The following DNER variants were observed in gnomAD, a reference collection of about 807,000 sequenced individuals.
DNER encodes delta/notch like EGF repeat containing.
Under a neutral mutation model 78.2 loss-of-function variants are expected in DNER, and 33 were observed. The observed-to-expected ratio is 0.42, with a 90% CI of 0.32 to 0.56. The LOEUF is 0.56. DNER is among the 20% of genes least tolerant of loss of function. DNER has a pLI of 0.11. For synonymous variants in DNER, 417 were observed against 384.8 expected, an observed-to-expected ratio of 1.08 and a Z score of -0.98; for missense variants, 918 against 975.3, an observed-to-expected ratio of 0.94 and a Z score of 0.78.
chr2:229,417,909 G>A (rs1434813427), intron 9 of DNER, among the ~76,000 whole-genome samples, 199 bp downstream of exon 9: 3 of 152,198 alleles, frequency 2.0e-5, no homozygotes, highest in Non-Finnish European at 4.4e-5. Flanking sequence ...ACAGGAAAGG[G>A]GGTTGTTTCT....
chr2:229,481,557 ATC>A (rs59589141), intron 6 of DNER, among the ~76,000 whole-genome samples: 18,923 of 152,066 alleles, frequency 0.12, 1,313 homozygotes, highest in South Asian at 0.2. Context: ...ATCTACACAA[ATC>A]TCACCCTTCC....
chr2:229,671,935 G>A (rs577377692), intron 1 of DNER, among the ~76,000 whole-genome samples: 1 of 152,314 alleles, frequency 6.6e-6, no homozygotes, highest in Admixed American at 6.5e-5. Context: ...GTTATACTTT[G>A]CAGATCTCTG....
At chr2:229,365,720 G>A (rs1027048492) in intron 12 of DNER, among the ~76,000 whole-genome samples, 3 of 152,182 alleles carry the variant, frequency 2.0e-5, no homozygotes, top group Non-Finnish European at 2.9e-5. Context: ...GCAGGCGTGA[G>A]GCAGCACACC....
At chr2:229,520,181 C>T (rs907576549) in intron 5 of DNER, among the ~76,000 whole-genome samples, 6 of 152,166 alleles carry the variant, frequency 3.9e-5, no homozygotes, top group South Asian at 2.1e-4. Flanking sequence ...AGTAGTCTTG[C>T]GGGAGAGTTC....
intron 9 of DNER, among the ~76,000 whole-genome samples, chr2:229,411,048 G>A (rs1693507515): frequency 6.6e-6 from 1 of 152,144 alleles, no homozygotes; most frequent in Admixed American, 6.6e-5. Context: ...GTGTCACTCA[G>A]TCTGCTCGTC....
intron 6 of DNER, among the ~76,000 whole-genome samples, chr2:229,484,070 C>G (rs1408910916): frequency 2.6e-5 from 4 of 151,908 alleles, no homozygotes; most frequent in Admixed American, 1.3e-4. Flanking sequence ...AGAGAAACCT[C>G]TGGACCCTCC....
intron 5 of DNER, among the ~76,000 whole-genome samples, chr2:229,518,407 A>AT (rs1559155294): frequency 1.3e-5 from 2 of 152,266 alleles, no homozygotes; most frequent in African/African-American, 4.8e-5. Flanking sequence ...TCTATGTCAG[A>AT]TAACATCCTA....
intron 1 of DNER, among the ~76,000 whole-genome samples, chr2:229,708,605 C>T (rs1699863971): frequency 6.6e-6 from 1 of 152,220 alleles, no homozygotes; most frequent in Non-Finnish European, 1.5e-5. Context: ...AAATACAACC[C>T]TGGCATTCAG....
At chr2:229,615,190 T>G (rs909617819) in intron 1 of DNER, among the ~76,000 whole-genome samples, 7 of 151,424 alleles carry the variant, frequency 4.6e-5, no homozygotes, top group Non-Finnish European at 8.8e-5. Context: ...GGCAGGCGGA[T>G]CGCCTGAGGT....
intron 1 of DNER, among the ~76,000 whole-genome samples, chr2:229,597,733 C>T (rs1036883798): frequency 3.9e-5 from 6 of 152,220 alleles, no homozygotes; most frequent in African/African-American, 4.8e-5. Context: ...CCAACAGGCC[C>T]ATTTATTAAA....
intron 5 of DNER, among the ~76,000 whole-genome samples, chr2:229,533,420 C>T (rs183018720): frequency 2.9e-4 from 44 of 152,236 alleles, no homozygotes; most frequent in South Asian, 6.2e-4. Context: ...AAAGCCGCGG[C>T]TTTGAAGCGG....
At chr2:229,412,015 G>A (rs748177515) in intron 9 of DNER, among the ~76,000 whole-genome samples, 2 of 151,640 alleles carry the variant, frequency 1.3e-5, no homozygotes, top group Non-Finnish European at 1.5e-5. Flanking sequence ...ATTAAAAATC[G>A]AATTTTTTTT....
chr2:229,609,437 G>A (rs913734291), intron 1 of DNER, among the ~76,000 whole-genome samples: 2 of 152,094 alleles, frequency 1.3e-5, no homozygotes, highest in East Asian at 1.9e-4. Flanking sequence ...TCATGTAAAT[G>A]TTCGATAAGA....
At chr2:229,429,393 G>A (rs75210022) in intron 8 of DNER, among the ~76,000 whole-genome samples, 10,015 of 152,182 alleles carry the variant, frequency 0.066, 725 homozygotes, top group African/African-American at 0.18. Flanking sequence ...TGGCAACAGA[G>A]GATACTTATA....
intron 9 of DNER, among the ~76,000 whole-genome samples, chr2:229,409,509 A>T (rs1259731692): frequency 6.6e-6 from 1 of 152,248 alleles, no homozygotes; most frequent in African/African-American, 2.4e-5. Flanking sequence ...AGCAAATTCT[A>T]GGCCAAATAT....
At chr2:229,568,665 C>T (rs1344095019) in intron 4 of DNER, among the ~76,000 whole-genome samples, 3 of 151,972 alleles carry the variant, frequency 2.0e-5, no homozygotes, top group Admixed American at 6.6e-5. Flanking sequence ...GTTTCTTTTA[C>T]GCATCCCTAC....
At chr2:229,636,472 A>C (rs1178638945) in intron 1 of DNER, among the ~76,000 whole-genome samples, 2 of 152,210 alleles carry the variant, frequency 1.3e-5, no homozygotes, top group Non-Finnish European at 2.9e-5. Context: ...GACAGAGTGC[A>C]TGAGAGAGTC....
chr2:229,387,313 C>T (rs1408064151), intron 11 of DNER, among the ~76,000 whole-genome samples: 1 of 151,974 alleles, frequency 6.6e-6, no homozygotes, highest in Non-Finnish European at 1.5e-5. Context: ...ACATCACACA[C>T]TGGGGCCTGT....
intron 6 of DNER, among the ~76,000 whole-genome samples, chr2:229,512,018 G>A (rs1371033198): frequency 6.6e-6 from 1 of 152,174 alleles, no homozygotes; most frequent in Non-Finnish European, 1.5e-5. Flanking sequence ...CAGCTCAAAT[G>A]CCCATCAATC....
Sources: gnomAD v4.1 joint callset for allele counts (sites outside exome capture counted in the v4.1 genomes callset) on GRCh38, gnomAD v4.1.1 for gene constraint, MANE v1.5 for transcripts, NCBI Gene and HGNC (gene_info 2026-07-23, HGNC 2026-07-21) for gene names.